SFMBT2: variants seen among roughly 807,000 people sequenced by gnomAD.
SFMBT2 encodes scm-like with four MBT domains protein 2.
Under a neutral mutation model 110.1 loss-of-function variants are expected in SFMBT2, and 38 were observed. The observed-to-expected ratio is 0.35, with a 90% CI of 0.27 to 0.45. The LOEUF (loss-of-function observed/expected upper bound fraction) is 0.45, where lower values mean the gene tolerates loss of function less well. Ranked by LOEUF, SFMBT2 falls within the 20% of genes least tolerant of loss-of-function variation. The probability of loss-of-function intolerance (pLI) is 1.00; values close to 1 mark genes in which losing one functional copy is unlikely to be tolerated. For synonymous variants in SFMBT2, 425 were observed against 425.4 expected, an observed-to-expected ratio of 1.00 and a Z score of 0.01; for missense variants, 1,011 against 1,094.9, an observed-to-expected ratio of 0.92 and a Z score of 1.08.
At chr10:7,205,791 C>T (rs1395486964) in intron 12 of SFMBT2, 24 bp downstream of exon 12, 3 of 1,608,760 alleles carry the variant, frequency 1.9e-6, no homozygotes, top group East Asian at 2.2e-5. Flanking sequence ...GTCATCCACC[C>T]CCCCTCAACT....
intron 4 of SFMBT2, among the ~76,000 whole-genome samples, chr10:7,335,648 CTTCATAT>C (rs1291702434): frequency 2.7e-5 from 4 of 148,380 alleles, no homozygotes; most frequent in Non-Finnish European, 5.9e-5. Flanking sequence ...GCACAGAACA[CTTCATAT>C]TAACTTAGAA....
intron 1 of SFMBT2, among the ~76,000 whole-genome samples, chr10:7,382,176 G>A (rs138121666): frequency 0.02 from 3,087 of 152,230 alleles, 43 homozygotes; most frequent in Middle Eastern, 0.037. Flanking sequence ...TTGGGAGACC[G>A]AGGTGGGTGG....
chr10:7,222,038 T>C (rs1210621260), intron 10 of SFMBT2, among the ~76,000 whole-genome samples: 1 of 152,270 alleles, frequency 6.6e-6, no homozygotes, highest in Non-Finnish European at 1.5e-5. Flanking sequence ...TGTATAACTA[T>C]AGTTCTTAAA....
At chr10:7,343,029 T>A (rs1379578668) in intron 4 of SFMBT2, among the ~76,000 whole-genome samples, 1 of 152,174 alleles carries the variant, frequency 6.6e-6, no homozygotes, top group Non-Finnish European at 1.5e-5. Context: ...TAATCCTTAC[T>A]TTCTTTCCAC....
chr10:7,242,356 C>T (rs897634401), intron 9 of SFMBT2, among the ~76,000 whole-genome samples: 6 of 152,138 alleles, frequency 3.9e-5, no homozygotes, highest in African/African-American at 7.2e-5. Context: ...GAGTCCTCAC[C>T]GCTACCAGGG....
rs1837479187 is a variant in SFMBT2 at position 7,158,861 on chromosome 10, G to A, written c.*4909C>T. 1 of 152,030 alleles carries A rather than the reference G, an allele frequency of 6.6e-6. No homozygotes were observed. The highest frequency in any genetic ancestry group is 1.5e-5 in the Non-Finnish European group (1 of 68,022). 9.4% of individuals were successfully genotyped at this position (152,030 alleles called of 1,614,324 possible). A position where few individuals can be genotyped will look rare whatever the true frequency, so the allele number is the denominator to read the frequency against. ...TTTTACGCACCAAAAACATACACAA[G>A]ATAGGAATCCAATTTCAATACAAAC... On this transcript the variant is annotated 3_prime_UTR_variant, in exon 21 of 21. Coordinates refer to ENST00000397167, the MANE Select transcript of SFMBT2 (RefSeq NM_001387889.1).
At chr10:7,309,954 C>T (rs931038693) in intron 4 of SFMBT2, among the ~76,000 whole-genome samples, 5 of 152,144 alleles carry the variant, frequency 3.3e-5, no homozygotes, top group Admixed American at 6.5e-5. Flanking sequence ...ACTATTGACA[C>T]TCTGGACCAC....
intron 4 of SFMBT2, among the ~76,000 whole-genome samples, chr10:7,286,714 G>C (rs866098762): frequency 3.3e-5 from 5 of 152,112 alleles, no homozygotes; most frequent in African/African-American, 7.2e-5. Flanking sequence ...TTTTCTGTTC[G>C]AGACTTGATC....
intron 4 of SFMBT2, among the ~76,000 whole-genome samples, chr10:7,351,967 T>G (rs1192811776): frequency 6.6e-6 from 1 of 151,968 alleles, no homozygotes; most frequent in Non-Finnish European, 1.5e-5. Flanking sequence ...AGCAAGATTG[T>G]GTCAGTTTGT....
At chr10:7,244,458 C>T (rs1840542278) in intron 8 of SFMBT2, among the ~76,000 whole-genome samples, 1 of 152,174 alleles carries the variant, frequency 6.6e-6, no homozygotes, top group African/African-American at 2.4e-5. Flanking sequence ...AGAGTGATGT[C>T]TTTTTGTTAA....
chr10:7,213,871 C>G (rs1316351147), intron 11 of SFMBT2, among the ~76,000 whole-genome samples: 1 of 152,198 alleles, frequency 6.6e-6, no homozygotes, highest in Non-Finnish European at 1.5e-5. Context: ...CCGTCCAAAG[C>G]CACAGAGAAA....
intron 11 of SFMBT2, 35 bp downstream of exon 11, chr10:7,220,376 C>T: frequency 6.3e-7 from 1 of 1,591,850 alleles, no homozygotes; most frequent in Non-Finnish European, 8.6e-7. Flanking sequence ...ACTCTACATT[C>T]CCCCCAGCGA....
At chr10:7,407,349 T>C (rs1846248004) in intron 1 of SFMBT2, among the ~76,000 whole-genome samples, 1 of 151,914 alleles carries the variant, frequency 6.6e-6, no homozygotes, top group African/African-American at 2.4e-5. Context: ...GTAGACACGC[T>C]AGTAGGTCTC....
At chr10:7,347,807 C>T (rs934802781) in intron 4 of SFMBT2, among the ~76,000 whole-genome samples, 1 of 152,156 alleles carries the variant, frequency 6.6e-6, no homozygotes, top group African/African-American at 2.4e-5. Flanking sequence ...TTAATTGACA[C>T]TTATTTGCTG....
chr10:7,206,464 A>G, intron 11 of SFMBT2: 1 of 985,458 alleles, frequency 1.0e-6, no homozygotes, highest in Non-Finnish European at 1.2e-6. Context: ...GTTTATGAGC[A>G]GTGTACGTGG....
chr10:7,242,675 A>G (rs1315398163), intron 9 of SFMBT2, among the ~76,000 whole-genome samples: 2 of 152,238 alleles, frequency 1.3e-5, no homozygotes, highest in East Asian at 1.9e-4. Context: ...GAGTACAGTC[A>G]TAGTAAAGGT....
At position 7,367,694 on chromosome 10, in the gene SFMBT2, C is replaced by A. The variant is rs1251850601; in HGVS notation, c.391G>T (p.Val131Leu). 6.2e-7 allele frequency: 1 copy of A among 1,613,882 alleles called. No homozygotes were observed. Among genetic ancestry groups the A allele is most frequent in the Non-Finnish European group, 8.5e-7 (1 of 1,180,044 alleles). Residue 131 changes from valine to leucine, a missense_variant, in exon 4 of 21, where the codon GTG becomes TTG. Val to Leu is a conservative substitution (Grantham distance 32, BLOSUM62 1). This residue lies in a region of SFMBT2 where 979 missense variants were observed against 1,016.1 expected (regional missense o/e 0.96). Coordinates refer to ENST00000397167, the MANE Select transcript of SFMBT2 (RefSeq NM_001387889.1). This position sits in a 1 kb window ranked among gnomAD's most constrained non-coding sequence, Gnocchi z 6.2. ...TTGTTGTTCTGTGTGCACCACCCCA[C>A]GGGGTGCAAATCCGCGATGACTACG... ...CDVVIADLHP[V>L]GWCTQNNKVL...
At chr10:7,288,880 A>G (rs969161056) in intron 4 of SFMBT2, among the ~76,000 whole-genome samples, 7 of 141,398 alleles carry the variant, frequency 5.0e-5, no homozygotes, top group African/African-American at 1.3e-4. Flanking sequence ...CACTAGAAAT[A>G]GAAAAATGAG....
intron 13 of SFMBT2, among the ~76,000 whole-genome samples, chr10:7,202,080 C>A (rs756872072): frequency 1.3e-5 from 2 of 152,210 alleles, no homozygotes; most frequent in Non-Finnish European, 2.9e-5. Flanking sequence ...CAAGCCTGGG[C>A]TACTCTAGGA....
Sources: allele counts gnomAD v4.1 joint callset (sites outside exome capture counted in the v4.1 genomes callset), GRCh38; gene constraint gnomAD v4.1.1; regional missense constraint gnomAD v4.1.1; non-coding constraint Gnocchi (gnomAD v3.1); transcripts MANE v1.5; gene names NCBI Gene and HGNC (gene_info 2026-07-23, HGNC 2026-07-21).